DNAAF11: variants seen among roughly 807,000 people sequenced by gnomAD.
DNAAF11 encodes leucine rich repeat containing 6.
Under a neutral mutation model 60.8 loss-of-function variants are expected in DNAAF11, and 45 were observed. That is an observed-to-expected ratio of 0.74 (90% CI 0.58 to 0.95). The LOEUF (loss-of-function observed/expected upper bound fraction) is 0.95. DNAAF11 is among the 40% of genes least tolerant of loss of function. DNAAF11 has a pLI of 0.00. For missense variants in DNAAF11, 546 were observed against 546.2 expected (o/e 1.00, Z 0.00); for synonymous variants, 191 against 183.5 (o/e 1.04, Z -0.33).
chr8:132,652,545 T>C (rs975320149), intron 3 of DNAAF11, among the ~76,000 whole-genome samples: 13 of 152,000 alleles, frequency 8.6e-5, no homozygotes, highest in Non-Finnish European at 1.2e-4. Context: ...AATCAGAACA[T>C]AGAAGTTTAG....
chr8:132,580,429 A>C (rs1563966257), intron 11 of DNAAF11, among the ~76,000 whole-genome samples: 1 of 152,366 alleles, frequency 6.6e-6, no homozygotes, highest in East Asian at 1.9e-4. Flanking sequence ...TGCTGGCTAC[A>C]AAATCAAACA....
chr8:132,573,336 A>G (rs35644693), intron 11 of DNAAF11, among the ~76,000 whole-genome samples: 26,478 of 152,132 alleles, frequency 0.17, 3,799 homozygotes, highest in African/African-American at 0.4. Context: ...ATGATATTCC[A>G]GGTGTTGTAT....
At chr8:132,675,453 G>A (rs1586766586) in intron 1 of DNAAF11, 31 bp downstream of exon 1, 1 of 1,556,162 alleles carries the variant, frequency 6.4e-7, no homozygotes, top group Non-Finnish European at 8.7e-7. Context: ...CAAGGGGAAC[G>A]ATCGAGGACG....
intron 7 of DNAAF11, among the ~76,000 whole-genome samples, chr8:132,618,859 A>G (rs1175701701): frequency 6.6e-6 from 1 of 152,068 alleles, no homozygotes; most frequent in African/African-American, 2.4e-5. Context: ...GGGACTGTAA[A>G]CTAGTTCAAC....
the DNAAF11 span, among the ~76,000 whole-genome samples, chr8:132,681,868 G>A: frequency 6.2e-3 from 937 of 152,232 alleles, 14 homozygotes; most frequent in African/African-American, 0.022. Flanking sequence ...CTACTCCACC[G>A]TTGAGGGCTC....
At chr8:132,582,747 A>G (rs983122855) in intron 11 of DNAAF11, among the ~76,000 whole-genome samples, 1 of 152,234 alleles carries the variant, frequency 6.6e-6, no homozygotes, top group Non-Finnish European at 1.5e-5. Context: ...CAACACATAT[A>G]TATAGCTCTT....
chr8:132,689,903 A>T, the DNAAF11 span, among the ~76,000 whole-genome samples: 1 of 152,036 alleles, frequency 6.6e-6, no homozygotes, highest in African/African-American at 2.4e-5. Context: ...TTTTGTAGAG[A>T]TGGAGTCTCA....
At chr8:132,649,797 G>A (rs1460655861) in intron 3 of DNAAF11, among the ~76,000 whole-genome samples, 4 of 152,312 alleles carry the variant, frequency 2.6e-5, no homozygotes, top group Non-Finnish European at 4.4e-5. Context: ...TCAGAGAAAT[G>A]CAAATCAAAA....
At chr8:132,577,448 A>G (rs1242288601) in intron 11 of DNAAF11, among the ~76,000 whole-genome samples, 1 of 152,258 alleles carries the variant, frequency 6.6e-6, no homozygotes, top group Admixed American at 6.5e-5. Flanking sequence ...AATGTCATCT[A>G]TCAGTACATA....
At chr8:132,680,211 GAA>G (rs1825844822), upstream of DNAAF11, among the ~76,000 whole-genome samples, 1 of 152,226 alleles carries the variant, frequency 6.6e-6, no homozygotes. Context: ...CAAAGTGGAT[GAA>G]AGAGTTTAAA....
At chr8:132,621,553 A>G (rs1253973290) in intron 7 of DNAAF11, among the ~76,000 whole-genome samples, 1 of 152,068 alleles carries the variant, frequency 6.6e-6, no homozygotes, top group Non-Finnish European at 1.5e-5. Flanking sequence ...AGACACATGG[A>G]GTTCCGAGAG....
At chr8:132,625,495 T>G in intron 5 of DNAAF11, 41 bp from the exon 6 acceptor site, 1 of 1,433,128 alleles carries the variant, frequency 7.0e-7, no homozygotes, top group Non-Finnish European at 9.6e-7. Flanking sequence ...AATAATGGAT[T>G]CATGAGCTTC....
upstream of DNAAF11, among the ~76,000 whole-genome samples, chr8:132,679,810 T>C (rs1029406177): frequency 2.6e-5 from 4 of 152,230 alleles, no homozygotes; most frequent in Non-Finnish European, 4.4e-5. Flanking sequence ...TGACTTGCTC[T>C]TCCTTGCCTT....
intron 2 of DNAAF11, among the ~76,000 whole-genome samples, chr8:132,659,400 G>T (rs1334558282): frequency 6.6e-6 from 1 of 152,190 alleles, no homozygotes; most frequent in Non-Finnish European, 1.5e-5. Context: ...TTTAATTTAA[G>T]AGTACTTTGG....
At chr8:132,692,255 A>G in the DNAAF11 span, among the ~76,000 whole-genome samples, 1 of 152,148 alleles carries the variant, frequency 6.6e-6, no homozygotes, top group Non-Finnish European at 1.5e-5. Context: ...GGTTAAGGTA[A>G]AGAGAGAACT....
chr8:132,622,858 T>C, intron 6 of DNAAF11, 170 bp from the exon 7 acceptor site: 1 of 564,400 alleles, frequency 1.8e-6, no homozygotes, highest in Non-Finnish European at 3.1e-6. Context: ...TTTAATTCTA[T>C]GCTGGGAACT....
chr8:132,624,933 C>G (rs1820098290), intron 6 of DNAAF11, among the ~76,000 whole-genome samples: 1 of 152,010 alleles, frequency 6.6e-6, no homozygotes, highest in Non-Finnish European at 1.5e-5. Context: ...AAAAGGAGCC[C>G]ATTCATTCCA....
chr8:132,607,253 G>A (rs1418596325), intron 10 of DNAAF11, among the ~76,000 whole-genome samples: 3 of 152,190 alleles, frequency 2.0e-5, no homozygotes, highest in Admixed American at 1.3e-4. Flanking sequence ...CCTAGACAGT[G>A]ACCCTTGTTA....
intron 3 of DNAAF11, among the ~76,000 whole-genome samples, chr8:132,651,585 G>A (rs994323803): frequency 2.0e-5 from 3 of 152,150 alleles, no homozygotes; most frequent in African/African-American, 7.2e-5. Context: ...GCAGGAGGGG[G>A]GTTGGCCTGC....
Sources: gnomAD v4.1 joint callset for allele counts (sites outside exome capture counted in the v4.1 genomes callset) on GRCh38, gnomAD v4.1.1 for gene constraint, MANE v1.5 for transcripts, NCBI Gene and HGNC (gene_info 2026-07-23, HGNC 2026-07-21) for gene names.